Variants in TBC1D8 observed in about 807,000 individuals in gnomAD.
The protein encoded by TBC1D8 is TBC1 domain family member 8.
In TBC1D8, 65 loss-of-function variants were observed where a neutral mutation model predicts 118.8. That is an observed-to-expected ratio of 0.55 (90% confidence interval 0.45 to 0.67). The LOEUF (loss-of-function observed/expected upper bound fraction) is 0.67, where lower values mean the gene tolerates loss of function less well. Ranked by LOEUF, TBC1D8 falls within the 30% of genes least tolerant of loss-of-function variation. The pLI is 0.00. For missense variants in TBC1D8, 1,376 were observed against 1,471.2 expected (o/e 0.94, Z 1.06); for synonymous variants, 566 against 595.8 (o/e 0.95, Z 0.73).
At chr2:101,032,084 A>G (rs1680702551) in intron 11 of TBC1D8, among the ~76,000 whole-genome samples, 184 bp downstream of exon 11, 2 of 152,166 alleles carry the variant, frequency 1.3e-5, no homozygotes, top group South Asian at 4.1e-4. Context: ...ATTCCACTAC[A>G]TTGTCAGAAC....
Position 101,035,390 on chromosome 2 carries a change from G to C in TBC1D8, c.1603+628C>G, listed in dbSNP as rs557946048. 7.5e-4 allele frequency among the ~76,000 whole-genome samples: 114 copies of C among 152,304 alleles called. 1 individual carries two copies. Among genetic ancestry groups the C allele is most frequent in the African/African-American group, 2.5e-3 (103 of 41,578 alleles). ...CCCAGTATGTCCCTGGGGAAGTTTGGTCCCAGGCTCAGCCCATCCATCATT... is the reference window on the plus strand; with the variant it reads ...CCCAGTATGTCCCTGGGGAAGTTTGCTCCCAGGCTCAGCCCATCCATCATT... On this transcript the variant is annotated intron_variant, in intron 9 of 19. Coordinates refer to ENST00000409318, the MANE Select transcript of TBC1D8 (RefSeq NM_001330348.2).
At chr2:101,016,342 A>C (rs1396703197) in intron 17 of TBC1D8, among the ~76,000 whole-genome samples, 2 of 151,528 alleles carry the variant, frequency 1.3e-5, no homozygotes, top group East Asian at 3.9e-4. Context: ...ATCACTGGCC[A>C]TCAGAGAAAT....
chr2:101,028,916 T>C (rs1250466134), intron 12 of TBC1D8, among the ~76,000 whole-genome samples: 2 of 152,290 alleles, frequency 1.3e-5, no homozygotes, highest in East Asian at 3.9e-4. Flanking sequence ...TGTGAGTCCA[T>C]CTAAATGCAA....
At chr2:101,136,258 T>C (rs1226124419) in intron 1 of TBC1D8, among the ~76,000 whole-genome samples, 1 of 152,130 alleles carries the variant, frequency 6.6e-6, no homozygotes, top group Admixed American at 6.5e-5. Flanking sequence ...TTGGTGGCAA[T>C]GAGTGAGTTT....
intron 1 of TBC1D8, among the ~76,000 whole-genome samples, chr2:101,136,663 T>A (rs979473179): frequency 6.6e-6 from 1 of 152,204 alleles, no homozygotes; most frequent in Non-Finnish European, 1.5e-5. Context: ...GTATGCACAC[T>A]TGTGCATACA....
At chr2:101,078,981 C>A (rs530250944) in intron 2 of TBC1D8, among the ~76,000 whole-genome samples, 2 of 151,982 alleles carry the variant, frequency 1.3e-5, no homozygotes, top group African/African-American at 4.8e-5. Context: ...CTGAAGTGGG[C>A]CCCCGGGGAC....
chr2:101,059,553 G>A lies in TBC1D8; in HGVS notation c.284-14C>T. On this transcript the variant is annotated splice_polypyrimidine_tract_variant and intron_variant, in intron 2 of 19. Transcript: ENST00000409318. ...CTAATGTTGCACCTGGATTCAAACA[G>A]AAAAAGATACAGAGATTAAAAAATG... The A allele has an allele frequency of 6.3e-7, 1 of 1,580,970 alleles. No individual in the cohort carries two copies. Among genetic ancestry groups the A allele is most frequent in the Non-Finnish European group, 8.7e-7 (1 of 1,153,852 alleles).
At chr2:101,029,393 A>G (rs1680535571) in intron 12 of TBC1D8, 98 bp downstream of exon 12, 4 of 1,237,826 alleles carry the variant, frequency 3.2e-6, no homozygotes, top group Non-Finnish European at 4.4e-6. Flanking sequence ...CTCTGTCTCA[A>G]TAAAAAAAAA....
At chr2:101,035,902 G>T in intron 9 of TBC1D8, 116 bp downstream of exon 9, 1 of 1,197,224 alleles carries the variant, frequency 8.4e-7, no homozygotes, top group Non-Finnish European at 1.2e-6. Flanking sequence ...TCACAGGAAT[G>T]ACTCAAAGAC....
rs752283302 is a variant in TBC1D8, at chr2:101,038,558, C to T, written c.1178G>A (p.Arg393Gln). The T allele has an allele frequency of 6.3e-5, 101 of 1,613,788 alleles. No homozygotes were observed. Among genetic ancestry groups the T allele is most frequent in the East Asian group, 8.9e-5 (4 of 44,894 alleles). ...SKVAFQFIEL[R>Q]DRDSLVEALL... ...CGCCTCCACCAGGCTGTCTCGGTCC[C>T]GGAGCTCAATGAACTGGAAGGCCAC... The change falls in exon 7 of 20, where the codon CGG becomes CAG. Residue 393 changes from arginine to glutamine, a missense_variant. By Grantham distance (43) the Arg-to-Gln change is conservative. Coordinates refer to ENST00000409318, the MANE Select transcript of TBC1D8 (RefSeq NM_001330348.2).
Position 101,007,700 on chromosome 2 carries a change from T to C in TBC1D8, c.*121A>G, listed in dbSNP as rs1239271532. ...CCCCTGGCCACAGTTTGTCAGGTTG[T>C]TTAGCCAGATGCCCCATTGGTAAGG... On this transcript the variant is annotated 3_prime_UTR_variant, in exon 20 of 20. Transcript: ENST00000409318. 3 of 1,022,398 alleles carry C rather than the reference T, an allele frequency of 2.9e-6. No homozygotes were observed. Among genetic ancestry groups the C allele is most frequent in the Non-Finnish European group, 4.3e-6 (3 of 692,840 alleles). The allele number at this position is 1,022,398 out of a possible 1,614,324, so 63.3% of individuals were successfully genotyped here. A position where few individuals can be genotyped will look rare whatever the true frequency, so the allele number is the denominator to read the frequency against.
intron 2 of TBC1D8, among the ~76,000 whole-genome samples, chr2:101,084,350 G>A (rs538071934): frequency 1.3e-5 from 2 of 152,142 alleles, no homozygotes; most frequent in Non-Finnish European, 2.9e-5. Context: ...GAAGTTCAAG[G>A]CCAGCCTGGC....
intron 17 of TBC1D8, among the ~76,000 whole-genome samples, chr2:101,020,894 A>T (rs1333618028): frequency 6.6e-6 from 1 of 152,172 alleles, no homozygotes; most frequent in Admixed American, 6.5e-5. Context: ...TGGTGATCAG[A>T]TTGAAAAAAT....
At chr2:101,072,422 G>A (rs1674512143) in intron 2 of TBC1D8, among the ~76,000 whole-genome samples, 1 of 152,060 alleles carries the variant, frequency 6.6e-6, no homozygotes, top group Non-Finnish European at 1.5e-5. Flanking sequence ...AGAGGCCCCA[G>A]GCTCTCTTAA....
intron 1 of TBC1D8, among the ~76,000 whole-genome samples, chr2:101,125,490 T>C (rs1678310248): frequency 6.6e-6 from 1 of 152,176 alleles, no homozygotes; most frequent in Non-Finnish European, 1.5e-5. Flanking sequence ...TGTAATCTAT[T>C]AGAATGTCAC....
chr2:101,059,933 C>T (rs910904054), intron 2 of TBC1D8, among the ~76,000 whole-genome samples: 1 of 151,460 alleles, frequency 6.6e-6, no homozygotes, highest in Non-Finnish European at 1.5e-5. Context: ...TGCGAGACTC[C>T]GTCTCAAAAA....
chr2:101,028,182 T>C (rs779876468), intron 13 of TBC1D8, 36 bp from the exon 14 acceptor site: 2 of 1,612,056 alleles, frequency 1.2e-6, no homozygotes, highest in Non-Finnish European at 1.7e-6. Context: ...CTCAGTCCCC[T>C]GCTCATCCAA....
chr2:101,063,711 C>T (rs1322733653), intron 2 of TBC1D8, among the ~76,000 whole-genome samples: 1 of 152,118 alleles, frequency 6.6e-6, no homozygotes, highest in African/African-American at 2.4e-5. Context: ...AACTACACTA[C>T]AGCAGTTTTT....
chr2:101,018,977 T>C, intron 17 of TBC1D8: 1 of 1,610,318 alleles, frequency 6.2e-7, no homozygotes, highest in Non-Finnish European at 8.5e-7. Context: ...TACCAAATCA[T>C]CTGTAATATT....
Sources: gnomAD v4.1 joint callset for allele counts (sites outside exome capture counted in the v4.1 genomes callset) on GRCh38, gnomAD v4.1.1 for gene constraint, MANE v1.5 for transcripts, NCBI Gene and HGNC (gene_info 2026-07-23, HGNC 2026-07-21) for gene names.